TCF20: variants seen among roughly 807,000 people sequenced by gnomAD.
TCF20 encodes transcription factor 20.
A neutral mutation model predicts 148.6 loss-of-function variants in TCF20; 3 were observed. That is an observed-to-expected ratio of 0.02 (90% CI 0.01 to 0.05). The LOEUF is 0.05. Among genes scored for constraint, TCF20 ranks in the 10% least tolerant of loss-of-function variants. TCF20 has a pLI of 1.00. For synonymous variants in TCF20, 1,049 were observed against 909.5 expected (o/e 1.15, Z -2.76); for missense variants, 2,350 against 2,429.3 (o/e 0.97, Z 0.69).
intron 3 of TCF20, among the ~76,000 whole-genome samples, chr22:42,170,309 G>A (rs1384023191): frequency 2.0e-5 from 3 of 150,048 alleles, no homozygotes; most frequent in African/African-American, 4.9e-5. Context: ...ACCAGCTTGG[G>A]CAACACAGTG....
chr22:42,213,433 T>C lies in TCF20; in HGVS notation c.1873A>G (p.Lys625Glu), dbSNP rs1373543403. 11 of 1,614,060 alleles carry C rather than the reference T, an allele frequency of 6.8e-6. No homozygotes were observed. The highest frequency in any genetic ancestry group is 9.3e-6 in the Non-Finnish European group (11 of 1,180,032). ...GCAGGATCATCCTCTTGGGAGCCTT[T>C]ATCTTGTCCACCAGGCTTTTCTACC... ...GRVEKPGGQD[K>E]GSQEDDPAAT... Residue 625 changes from lysine (K) to glutamate (E), a missense_variant, in exon 2 of 6, where the codon AAA becomes GAA. Physicochemically the swap from Lys to Glu is moderately conservative, Grantham distance 56 (BLOSUM62 1). Around this residue, in one of 7 missense-constraint regions of TCF20, gnomAD observed 1,641 missense variants for 1,662.6 expected, o/e 0.99. Transcript: ENST00000677622.
At chr22:42,168,071 T>C (rs1447189702) in intron 5 of TCF20, among the ~76,000 whole-genome samples, 1 of 152,080 alleles carries the variant, frequency 6.6e-6, no homozygotes, top group African/African-American at 2.4e-5. Context: ...TAGAGTCTAC[T>C]AAATCTTTGA....
At chr22:42,329,697 A>C (rs962887285) in intron 1 of TCF20, among the ~76,000 whole-genome samples, 4 of 152,212 alleles carry the variant, frequency 2.6e-5, no homozygotes, top group Admixed American at 2.6e-4. Context: ...CTAGCCACAG[A>C]CGGTGGCAGA....
rs1406409079 is a variant in TCF20, at chr22:42,323,993, TGGA to T, written c.-37+19483_-37+19485del. On this transcript the variant is annotated intron_variant, in intron 1 of 1. Transcript: ENST00000515426. ...ATGGTGGTGGTGGAGGTTATGGTGG[TGGA>T]GGTGGTGGCGGAGGTTATGGTGGTG... Among the ~76,000 whole-genome samples, 42 of 131,206 alleles carry T rather than the reference TGGA, an allele frequency of 3.2e-4. 4 individuals carry two copies. Among genetic ancestry groups the T allele is most frequent in the African/African-American group, 1.4e-3 (37 of 26,836 alleles). 86.1% of individuals were successfully genotyped at this position (131,206 alleles called of 152,430 possible).
chr22:42,311,977 C>G (rs1241564352), intron 1 of TCF20, among the ~76,000 whole-genome samples: 2 of 152,122 alleles, frequency 1.3e-5, no homozygotes, highest in Non-Finnish European at 2.9e-5. Context: ...ACAGTTATGC[C>G]AAAGGAATGA....
chr22:42,276,840 A>G (rs888325487), intron 1 of TCF20: 4 of 152,146 alleles, frequency 2.6e-5, no homozygotes, highest in Non-Finnish European at 5.9e-5. Flanking sequence ...GGGGAGCAGA[A>G]AGCAGCAGGA....
At position 42,292,284 on chromosome 22, in the gene TCF20, C is replaced by A. The variant is rs1011540621; in HGVS notation, c.-37+51195G>T. 7.2e-5 allele frequency among the ~76,000 whole-genome samples: 11 copies of A among 152,176 alleles called. No individual in the cohort carries two copies. Among genetic ancestry groups the A allele is most frequent in the Admixed American group, 7.2e-4 (11 of 15,282 alleles). On this transcript the variant is annotated intron_variant, in intron 1 of 1. Transcript: ENST00000515426. This position sits in a 1 kb window ranked among gnomAD's most constrained non-coding sequence, Gnocchi z 4.9. ...ATACCTTACAGTTCCCAGGGTTGGG[C>A]CTGCGTGTTCCGTGTCCTGATCCGC...
chr22:42,182,905 T>G (rs755092685), intron 2 of TCF20, among the ~76,000 whole-genome samples: 21 of 152,092 alleles, frequency 1.4e-4, no homozygotes, highest in Non-Finnish European at 2.9e-4. Context: ...CCTGGCAACT[T>G]TTTGTTTTTT....
chr22:42,281,804 T>A (rs1213406457), intron 1 of TCF20, among the ~76,000 whole-genome samples: 2 of 152,238 alleles, frequency 1.3e-5, no homozygotes, highest in African/African-American at 4.8e-5. Flanking sequence ...CTGGGGGGTC[T>A]GAGTCTGGGT....
chr22:42,307,219 C>T lies in TCF20; in HGVS notation c.-37+36260G>A, dbSNP rs537832782. Among the ~76,000 whole-genome samples the T allele has an allele frequency of 1.8e-4, 28 of 152,248 alleles. 2 individuals are homozygous for T. The South Asian group carries it at 5.8e-3, about 32-fold the overall frequency. On this transcript the variant is annotated intron_variant, in intron 1 of 1. Coordinates refer to the TCF20 transcript ENST00000515426. ...GTAGCTACAACCAGCATTTGACCAG[C>T]AGTGCACAGTGGTCAGGTCAGGGCC...
chr22:42,214,265 G>A lies in TCF20; in HGVS notation c.1041C>T (p.Tyr347=). Residue 347 remains tyrosine (Y), a synonymous_variant, in exon 2 of 6, where the codon TAC becomes TAT. Coordinates refer to ENST00000677622, the MANE Select transcript of TCF20 (RefSeq NM_001378418.1). ...ACCTCACAGGAACCTCAGGCTGGTT[G>A]TACTGCCCCACTTGGCTTTGCAGGG... The part of the protein sequence containing the change: ...KLPLQSQVGQ[Y]NQPEVPVRSP... 6.2e-7 allele frequency: 1 copy of A among 1,614,238 alleles called. No homozygotes were observed. The highest frequency in any genetic ancestry group is 2.2e-5 in the East Asian group (1 of 44,888).
intron 1 of TCF20, among the ~76,000 whole-genome samples, chr22:42,330,460 G>A (rs540198631): frequency 3.0e-3 from 462 of 152,164 alleles, no homozygotes; most frequent in African/African-American, 0.011. Flanking sequence ...CTCCCCTGCT[G>A]GTTGTTCTGA....
At position 42,215,074 on chromosome 22, in the gene TCF20, C is replaced by T; in HGVS notation, c.232G>A (p.Gly78Ser). ...GCCTCTTTCCTGAAACCCTGGTAACCTTGATGGCCAGAGGTCTCGCTAGCC... is the reference window on the plus strand; with the variant it reads ...GCCTCTTTCCTGAAACCCTGGTAACTTTGATGGCCAGAGGTCTCGCTAGCC... ...AMASETSGHQ[G>S]YQGFRKEAGD... is the part of the protein sequence containing the mutation. Residue 78 changes from glycine to serine, a missense_variant, in exon 2 of 6, where the codon GGT (glycine) becomes AGT (serine). Around this residue, in one of 7 missense-constraint regions of TCF20, gnomAD observed 1,641 missense variants for 1,662.6 expected, o/e 0.99. Transcript: ENST00000677622. 1 of 1,614,218 alleles carries T rather than the reference C, an allele frequency of 6.2e-7. No individual in the cohort carries two copies. Among genetic ancestry groups the T allele is most frequent in the Non-Finnish European group, 8.5e-7 (1 of 1,180,040 alleles).
intron 2 of TCF20, among the ~76,000 whole-genome samples, chr22:42,209,092 C>G (rs1938591570): frequency 6.6e-6 from 1 of 152,176 alleles, no homozygotes; most frequent in African/African-American, 2.4e-5. Context: ...AAAATCACTT[C>G]CAATCTAGAA....
chr22:42,323,362 G>A (rs1223767530), intron 1 of TCF20, among the ~76,000 whole-genome samples: 1 of 151,840 alleles, frequency 6.6e-6, no homozygotes, highest in East Asian at 1.9e-4. Flanking sequence ...GCATGGAGGG[G>A]CCATTCAGAC....
At chr22:42,265,465 A>G (rs1926234174) in intron 1 of TCF20, among the ~76,000 whole-genome samples, 1 of 152,114 alleles carries the variant, frequency 6.6e-6, no homozygotes, top group South Asian at 2.1e-4. Flanking sequence ...CCCACGTCAC[A>G]TCTGGCCTTT....
intron 2 of TCF20, among the ~76,000 whole-genome samples, chr22:42,181,138 A>G (rs1489060345): frequency 6.6e-6 from 1 of 152,206 alleles, no homozygotes; most frequent in Non-Finnish European, 1.5e-5. Flanking sequence ...ACTTCAGAGA[A>G]GGGAGTGTGG....
rs776283116 is a variant in TCF20, at chr22:42,292,184, C to T, written c.-37+51295G>A. 6.6e-6 allele frequency among the ~76,000 whole-genome samples: 1 copy of T among 152,204 alleles called. No homozygotes were observed. The highest frequency in any genetic ancestry group is 1.5e-5 in the Non-Finnish European group (1 of 68,028). ...GCTGGGCTCTCTGCCCATAGTCTCA[C>T]AGGGTATGGACGAGGGTCAGCACCC... On this transcript the variant is annotated intron_variant, in intron 1 of 1. Transcript: ENST00000515426. This position sits in a 1 kb window ranked among gnomAD's most constrained non-coding sequence, Gnocchi z 4.9.
intron 1 of TCF20, among the ~76,000 whole-genome samples, chr22:42,323,776 G>A (rs1162125480): frequency 1.3e-5 from 2 of 151,100 alleles, no homozygotes; most frequent in African/African-American, 4.8e-5. Flanking sequence ...GATGACAACT[G>A]TACCTACTTT....
Sources: gnomAD v4.1 joint callset for allele counts (sites outside exome capture counted in the v4.1 genomes callset) on GRCh38, gnomAD v4.1.1 for gene constraint, gnomAD v4.1.1 regional missense constraint, Gnocchi (gnomAD v3.1) non-coding constraint, MANE v1.5 for transcripts, NCBI Gene and HGNC (gene_info 2026-07-23, HGNC 2026-07-21) for gene names.